Variants in CASP6 observed in about 807,000 individuals in gnomAD.
CASP6 encodes the protein caspase 6, also known as caspase-6.
Under a neutral mutation model 31.8 loss-of-function variants are expected in CASP6, and 20 were observed. That is an observed-to-expected ratio of 0.63 (90% CI 0.44 to 0.91). The LOEUF is 0.91. Among genes scored for constraint, CASP6 ranks in the 40% least tolerant of loss-of-function variants. The probability of loss-of-function intolerance (pLI) is 0.00; values close to 1 mark genes in which losing one functional copy is unlikely to be tolerated. For missense variants in CASP6, 328 were observed against 361.1 expected (o/e 0.91, Z 0.74); for synonymous variants, 130 against 127.8 (o/e 1.02, Z -0.12).
At chr4:109,679,035 TCCTCTCTTCCCAGATGGGGCAG>T in the CASP6 span, among the ~76,000 whole-genome samples, 1 of 145,166 alleles carries the variant, frequency 6.9e-6, no homozygotes, top group African/African-American at 2.6e-5. Flanking sequence ...GCAGAGGCGC[TCCTCTCTTCCCAGATGGGGCAG>T]CCAGGCAGAG....
chr4:109,684,718 A>G, downstream of CASP6: 5 of 740,802 alleles, frequency 6.7e-6, no homozygotes, highest in Non-Finnish European at 1.1e-5. Flanking sequence ...GCAATGAGCA[A>G]AAAAGCCTTT....
chr4:109,706,539 G>A (rs1234502923), upstream of CASP6, among the ~76,000 whole-genome samples: 1 of 152,138 alleles, frequency 6.6e-6, no homozygotes, highest in Non-Finnish European at 1.5e-5. Context: ...AGCAGTGGCA[G>A]GGTTTGGGGG....
chr4:109,685,411 GAA>G, downstream of CASP6: 1 of 811,930 alleles, frequency 1.2e-6, no homozygotes, highest in South Asian at 1.5e-5. Flanking sequence ...TTGGGAGCCA[GAA>G]CTTAGTATCA....
At chr4:109,680,276 G>T in the CASP6 span, among the ~76,000 whole-genome samples, 1 of 152,050 alleles carries the variant, frequency 6.6e-6, no homozygotes, top group Non-Finnish European at 1.5e-5. Context: ...TTCTGGATAG[G>T]TACCAGTTAA....
chr4:109,703,505 G>GGGGGC, upstream of CASP6: 1 of 1,399,740 alleles, frequency 7.1e-7, no homozygotes, highest in Non-Finnish European at 9.7e-7. Context: ...CCCTGCCCCC[G>GGGGGC]AGCGTGGGGC....
the CASP6 span, among the ~76,000 whole-genome samples, chr4:109,670,007 A>G: frequency 2.0e-5 from 3 of 152,180 alleles, no homozygotes; most frequent in African/African-American, 4.8e-5. Flanking sequence ...TGTTCCTGCC[A>G]TGTCTGGCTC....
At chr4:109,707,261 A>G (rs923898093), upstream of CASP6, among the ~76,000 whole-genome samples, 2 of 152,062 alleles carry the variant, frequency 1.3e-5, no homozygotes, top group African/African-American at 4.8e-5. Context: ...GGGGTGGCAT[A>G]TATGTTCCTG....
chr4:109,675,703 G>T, the CASP6 span, among the ~76,000 whole-genome samples: 271 of 152,330 alleles, frequency 1.8e-3, no homozygotes, highest in African/African-American at 5.8e-3. Context: ...GAGGTGTTTG[G>T]CTCATGGGGG....
chr4:109,698,598 T>C (rs1730324168), intron 1 of CASP6, among the ~76,000 whole-genome samples: 1 of 152,234 alleles, frequency 6.6e-6, no homozygotes, highest in Non-Finnish European at 1.5e-5. Context: ...GAGAAAATAT[T>C]ACACAAATGC....
At chr4:109,705,699 C>T (rs1237254199), upstream of CASP6, among the ~76,000 whole-genome samples, 1 of 151,798 alleles carries the variant, frequency 6.6e-6, no homozygotes, top group Non-Finnish European at 1.5e-5. Context: ...GTACATGTAT[C>T]AGCCACAGTG....
chr4:109,698,813 A>G (rs929835700), intron 1 of CASP6, among the ~76,000 whole-genome samples: 3 of 152,214 alleles, frequency 2.0e-5, no homozygotes, highest in African/African-American at 7.2e-5. Context: ...GAGGAAGGGA[A>G]GGGCAAGGGC....
chr4:109,697,503 G>T (rs1730282531), intron 3 of CASP6, 119 bp downstream of exon 3: 1 of 1,143,080 alleles, frequency 8.7e-7, no homozygotes, highest in Non-Finnish European at 1.2e-6. Context: ...CTTGCCTTAA[G>T]TGATCCTCCC....
rs760278202 is a variant in CASP6, at chr4:109,703,425, C to T, written c.-30G>A. 3 of 1,608,416 alleles carry T rather than the reference C, an allele frequency of 1.9e-6. No homozygotes were observed. The highest frequency in any genetic ancestry group is 1.3e-5 in the African/African-American group (1 of 74,822). ...GCCAAACGCGCAGCCAGACACCTTGCCCTCCTCTTCCTGAAGCCACAGGCT... is the reference window on the plus strand; with the variant it reads ...GCCAAACGCGCAGCCAGACACCTTGTCCTCCTCTTCCTGAAGCCACAGGCT... On this transcript the variant is annotated 5_prime_UTR_variant, in exon 1 of 7. Transcript: ENST00000265164.
At chr4:109,665,627 G>A in the CASP6 span, among the ~76,000 whole-genome samples, 44 of 152,224 alleles carry the variant, frequency 2.9e-4, no homozygotes, top group South Asian at 1.2e-3. Flanking sequence ...TGTAAATGCT[G>A]TGTAAATGGT....
At position 109,688,653 on chromosome 4, in the gene CASP6, A is replaced by G. The variant is rs549177275; in HGVS notation, c.*677T>C. On this transcript the variant is annotated 3_prime_UTR_variant, in exon 7 of 7. Transcript: ENST00000265164. ...TGAATTTCGAATATTTTATTAAGGGATGATTTAATTCCTGGATTTCAAAAA... is the reference window on the plus strand; with the variant it reads ...TGAATTTCGAATATTTTATTAAGGGGTGATTTAATTCCTGGATTTCAAAAA... 6.6e-6 allele frequency: 1 copy of G among 152,344 alleles called. No homozygotes were observed. Among genetic ancestry groups the G allele is most frequent in the East Asian group, 1.9e-4 (1 of 5,192 alleles). 9.4% of individuals were successfully genotyped at this position (152,344 alleles called of 1,614,324 possible). A position where few individuals can be genotyped will look rare whatever the true frequency, so the allele number is the denominator to read the frequency against.
At chr4:109,709,155 A>T in the CASP6 span, among the ~76,000 whole-genome samples, 1 of 152,230 alleles carries the variant, frequency 6.6e-6, no homozygotes, top group Non-Finnish European at 1.5e-5. Context: ...AAGATTACCT[A>T]AACTACTTCC....
chr4:109,693,633 C>T (rs908018819), intron 5 of CASP6, among the ~76,000 whole-genome samples: 2 of 145,454 alleles, frequency 1.4e-5, no homozygotes, highest in Admixed American at 7.0e-5. Context: ...TGCAGTGAGC[C>T]GAGATTGCAC....
chr4:109,694,236 C>T (rs115385799), intron 5 of CASP6, among the ~76,000 whole-genome samples: 2 of 152,286 alleles, frequency 1.3e-5, no homozygotes, highest in African/African-American at 2.4e-5. Flanking sequence ...TCAGCAGGTA[C>T]GCTTTCCAAT....
At chr4:109,679,613 C>G in the CASP6 span, among the ~76,000 whole-genome samples, 1 of 152,130 alleles carries the variant, frequency 6.6e-6, no homozygotes, top group Non-Finnish European at 1.5e-5. Context: ...GAGAGGGAGA[C>G]TGGGAGACCG....
Sources: gnomAD v4.1 joint callset for allele counts (sites outside exome capture counted in the v4.1 genomes callset) on GRCh38, gnomAD v4.1.1 for gene constraint, MANE v1.5 for transcripts, NCBI Gene and HGNC (gene_info 2026-07-23, HGNC 2026-07-21) for gene names.